Variants in FANCI observed in about 807,000 individuals in gnomAD.
FANCI encodes the protein FA complementation group I.
FANCI carries 156 observed loss-of-function variants against 176.1 expected under a neutral mutation model. That is an observed-to-expected ratio of 0.89 (90% CI 0.78 to 1.01). The LOEUF (loss-of-function observed/expected upper bound fraction) is 1.01. Among genes scored for constraint, FANCI ranks in the 50% least tolerant of loss-of-function variants. The probability of loss-of-function intolerance (pLI) is 0.00; values close to 1 mark genes in which losing one functional copy is unlikely to be tolerated. For synonymous variants in FANCI, 613 were observed against 541.7 expected, an observed-to-expected ratio of 1.13 and a Z score of -1.83; for missense variants, 1,678 against 1,534.1, an observed-to-expected ratio of 1.09 and a Z score of -1.57.
rs775517153 is a variant in FANCI, at chr15:89,316,791, G to T, written c.*332G>T. ...GCTTCGTTTTTCCAAGGAGCCTTTG[G>T]TGAGTTCAATTATCTGGTAAATATC... On this transcript the variant is annotated 3_prime_UTR_variant, in exon 38 of 38. Coordinates refer to ENST00000310775, the MANE Select transcript of FANCI (RefSeq NM_001113378.2). 1.7e-5 allele frequency: 27 copies of T among 1,613,896 alleles called. No individual in the cohort carries two copies. Among genetic ancestry groups the T allele is most frequent in the Non-Finnish European group, 2.3e-5 (27 of 1,179,902 alleles).
At chr15:89,314,446 C>T (rs2055117326) in intron 35 of FANCI, among the ~76,000 whole-genome samples, 166 bp from the exon 36 acceptor site, 1 of 151,136 alleles carries the variant, frequency 6.6e-6, no homozygotes, top group African/African-American at 2.5e-5. Context: ...TGGGTCCTTC[C>T]AGATTGAACT....
At chr15:89,288,490 T>C (rs1160845196) in intron 18 of FANCI, among the ~76,000 whole-genome samples, 1 of 152,234 alleles carries the variant, frequency 6.6e-6, no homozygotes, top group Non-Finnish European at 1.5e-5. Flanking sequence ...GTGATAAAAC[T>C]TGTCATATTT....
At chr15:89,267,267 C>T (rs146463127) in intron 9 of FANCI, among the ~76,000 whole-genome samples, 1 of 149,978 alleles carries the variant, frequency 6.7e-6, no homozygotes, top group South Asian at 2.1e-4. Flanking sequence ...TTGCAGTGAG[C>T]TGAGATTGCA....
At chr15:89,244,917 T>G (rs1193129551) in intron 1 of FANCI, among the ~76,000 whole-genome samples, 1 of 152,204 alleles carries the variant, frequency 6.6e-6, no homozygotes, top group African/African-American at 2.4e-5. Context: ...GTTCAATAAT[T>G]TGTTCAACAA....
intron 10 of FANCI, among the ~76,000 whole-genome samples, chr15:89,269,212 A>G (rs1204640320): frequency 6.6e-6 from 1 of 152,206 alleles, no homozygotes; most frequent in African/African-American, 2.4e-5. Flanking sequence ...CTGAACATTT[A>G]AAAGTAAGAT....
rs1188276812 is a variant in FANCI at position 89,314,795 on chromosome 15, A to G, written c.3816+88A>G. On this transcript the variant is annotated intron_variant, in intron 36 of 37. Coordinates refer to ENST00000310775, the MANE Select transcript of FANCI (RefSeq NM_001113378.2). Reference sequence around the variant, plus strand: ...GAAGCAGCACAACTACAATGGAGGAAAAGAGACTCTGGGCCATTTGTGTGT... The same window carrying G: ...GAAGCAGCACAACTACAATGGAGGAGAAGAGACTCTGGGCCATTTGTGTGT... The G allele has an allele frequency of 6.3e-6, 6 of 947,682 alleles. No homozygotes were observed. In the African/African-American group the frequency reaches 6.5e-5, roughly 10 times the overall value. The allele number at this position is 947,682 out of a possible 1,614,324, so 58.7% of individuals were successfully genotyped here.
intron 6 of FANCI, 52 bp from the exon 7 acceptor site, chr15:89,263,367 T>C (rs1384038271): frequency 3.0e-5 from 46 of 1,513,488 alleles, no homozygotes; most frequent in Non-Finnish European, 4.1e-5. Context: ...TTTTACAAAG[T>C]TATATCTAAA....
At chr15:89,294,073 C>T (rs2054165476) in intron 23 of FANCI, 76 bp downstream of exon 23, 4 of 1,504,116 alleles carry the variant, frequency 2.7e-6, no homozygotes, top group Non-Finnish European at 3.7e-6. Flanking sequence ...CTTGTTTCAC[C>T]TCGTTTGGAT....
chr15:89,268,448 G>A lies in FANCI; in HGVS notation c.805G>A (p.Gly269Ser), dbSNP rs753143769. The stretch of plus-strand genomic sequence containing the variant: ...ATCAGGTGAACTTCGTCATGTGGAA[G>A]GCACCATTATTCTACACATTGTGTT... ...VPSGELRHVE[G>S]TIILHIVFAI... is the part of the protein sequence containing the mutation. The change falls in exon 10 of 38, where the codon GGC (glycine) becomes AGC (serine). Residue 269 changes from glycine (G) to serine (S), a missense_variant. By Grantham distance (56) the Gly-to-Ser change is moderately conservative (BLOSUM62 0). Around this residue, in one of 3 missense-constraint regions of FANCI, gnomAD observed 469 missense variants for 436.9 expected, o/e 1.07. Transcript: ENST00000310775. 18 of 1,614,010 alleles carry A rather than the reference G, an allele frequency of 1.1e-5. No homozygotes were observed. Among genetic ancestry groups the A allele is most frequent in the Non-Finnish European group, 1.4e-5 (17 of 1,180,024 alleles).
intron 4 of FANCI, among the ~76,000 whole-genome samples, chr15:89,261,109 C>A (rs1458375193): frequency 1.3e-5 from 2 of 151,778 alleles, no homozygotes; most frequent in Non-Finnish European, 2.9e-5. Flanking sequence ...ACCAAAAATA[C>A]AAAAGAAAAA....
chr15:89,275,235 G>A lies in FANCI; in HGVS notation c.1112+931G>A, dbSNP rs1460484529. 2.6e-5 allele frequency among the ~76,000 whole-genome samples: 4 copies of A among 151,906 alleles called. No individual in the cohort carries two copies. In the East Asian group the frequency reaches 7.7e-4, roughly 29 times the overall value. ...TGCATGCCACTGCATCTGACTCATG[G>A]CCTCTTTTTAAAGTGAGTAAAAAAC... On this transcript the variant is annotated intron_variant, in intron 12 of 37. Coordinates refer to ENST00000310775, the MANE Select transcript of FANCI (RefSeq NM_001113378.2).
intron 10 of FANCI, chr15:89,268,748 C>G (rs898552115): frequency 7.8e-6 from 4 of 510,328 alleles, no homozygotes; most frequent in African/African-American, 7.8e-5. Context: ...CATCCTTAAG[C>G]AAGCCAGAAA....
At chr15:89,260,670 T>C in intron 3 of FANCI, 43 bp from the exon 4 acceptor site, 1 of 1,609,894 alleles carries the variant, frequency 6.2e-7, no homozygotes, top group East Asian at 2.2e-5. Context: ...TACCTGTCAA[T>C]GTTGTAAGAC....
At position 89,286,977 on chromosome 15, in the gene FANCI, C is replaced by CTTTT. The variant is rs543431700; in HGVS notation, c.1821+1777_1821+1780dup. Among the ~76,000 whole-genome samples the CTTTT allele has an allele frequency of 5.7e-4, 49 of 86,038 alleles. 7 individuals carry two copies. The highest frequency in any genetic ancestry group is 2.8e-3 in the Admixed American group (19 of 6,690). 56.4% of individuals were successfully genotyped at this position (86,038 alleles called of 152,430 possible). ...TCAGCATTTGCTGCTTCACCTTGCA[C>CTTTT]TTTTTTTTTTTTTTTTTTTTTGAGT... On this transcript the variant is annotated intron_variant, in intron 18 of 37. Coordinates refer to ENST00000310775, the MANE Select transcript of FANCI (RefSeq NM_001113378.2).
rs1596251462 is a variant in FANCI, at chr15:89,265,529, T to A, written c.755+922T>A. Among the ~76,000 whole-genome samples the A allele has an allele frequency of 4.0e-5, 6 of 148,246 alleles. No individual in the cohort carries two copies. In the Middle Eastern group the frequency reaches 0.016, roughly 399 times the overall value. ...GCCAAGGATTTTTGTTTTTTCTTTC[T>A]TTCTTTTTTTTTGAGATGGGGTCTC... On this transcript the variant is annotated intron_variant, in intron 9 of 37. Transcript: ENST00000310775.
At chr15:89,260,428 G>T (rs1284235870) in intron 3 of FANCI, among the ~76,000 whole-genome samples, 1 of 152,082 alleles carries the variant, frequency 6.6e-6, no homozygotes, top group African/African-American at 2.4e-5. Flanking sequence ...TATTAAATTT[G>T]GGTTACTGGA....
intron 14 of FANCI, among the ~76,000 whole-genome samples, chr15:89,278,982 A>G (rs960053525): frequency 2.0e-5 from 3 of 152,214 alleles, no homozygotes; most frequent in Admixed American, 6.5e-5. Context: ...ACAATTAACC[A>G]ATAAGTAAAA....
At chr15:89,277,079 ATTC>A (rs767184661) in intron 13 of FANCI, among the ~76,000 whole-genome samples, 188 bp downstream of exon 13, 2 of 152,230 alleles carry the variant, frequency 1.3e-5, no homozygotes, top group East Asian at 1.9e-4. Flanking sequence ...TTACTTACGT[ATTC>A]TTCTATGTAA....
rs146718289 is a variant in FANCI, at chr15:89,279,812, CCCT to C, written c.1381+1047_1381+1049del. ...CTGTCATTGTTTCTATCTTTTTATT[CCCT>C]CCTCCTCCCAACCTCACATCCAGTG... On this transcript the variant is annotated intron_variant, in intron 14 of 37. Coordinates refer to ENST00000310775, the MANE Select transcript of FANCI (RefSeq NM_001113378.2). 3.5e-3 allele frequency among the ~76,000 whole-genome samples: 529 copies of C among 152,176 alleles called. 4 individuals are homozygous for C. The highest frequency in any genetic ancestry group is 0.012 in the African/African-American group (510 of 41,508).
Sources: gnomAD v4.1 joint callset for allele counts (sites outside exome capture counted in the v4.1 genomes callset) on GRCh38, gnomAD v4.1.1 for gene constraint, gnomAD v4.1.1 regional missense constraint, MANE v1.5 for transcripts, NCBI Gene and HGNC (gene_info 2026-07-23, HGNC 2026-07-21) for gene names.